EFHB: variants seen among roughly 807,000 people sequenced by gnomAD.
The protein encoded by EFHB is EF-hand domain-containing family member B.
EFHB carries 91 observed loss-of-function variants against 87.2 expected under a neutral mutation model. That is an observed-to-expected ratio of 1.04 (90% CI 0.88 to 1.24). EFHB has a LOEUF of 1.24. Among genes scored for constraint, EFHB ranks in the 50% most tolerant of loss-of-function variants. The pLI, the probability that EFHB is intolerant of heterozygous loss-of-function variation, is 0.00. For missense variants in EFHB, 1,084 were observed against 998.8 expected, an observed-to-expected ratio of 1.09 and a Z score of -1.15; for synonymous variants, 325 against 333.6, an observed-to-expected ratio of 0.97 and a Z score of 0.28.
At chr3:19,940,675 A>G in intron 1 of EFHB, 1 of 360,740 alleles carries the variant, frequency 2.8e-6, no homozygotes, top group South Asian at 2.2e-5. Flanking sequence ...GTCATTAGTG[A>G]CAGTAATCTT....
intron 4 of EFHB, among the ~76,000 whole-genome samples, chr3:19,917,829 C>CCATACA (rs1695286098): frequency 6.6e-6 from 1 of 152,194 alleles, no homozygotes; most frequent in Non-Finnish European, 1.5e-5. Flanking sequence ...ATTTACCATA[C>CCATACA]TTATCTGTGC....
chr3:19,920,484 A>G (rs770848594), intron 2 of EFHB, 21 bp downstream of exon 2: 7 of 1,576,186 alleles, frequency 4.4e-6, no homozygotes, highest in Non-Finnish European at 5.2e-6. Context: ...AGAAATATAA[A>G]GGTATATTGA....
chr3:19,943,241 T>C (rs1017317090), intron 1 of EFHB: 6 of 264,212 alleles, frequency 2.3e-5, no homozygotes, highest in Non-Finnish European at 3.9e-5. Context: ...ATTACCTCTA[T>C]TTTTACATGC....
rs73819038 is a variant in EFHB at position 19,904,941 on chromosome 3, G to A, written c.1418+679C>T. On this transcript the variant is annotated intron_variant, in intron 6 of 12. Coordinates refer to ENST00000295824, the MANE Select transcript of EFHB (RefSeq NM_144715.4). The stretch of plus-strand genomic sequence containing the variant: ...TCTTCCAAAGTTTATGTGTTGGCTC[G>A]GATATAAAATATAACGCAGGAAATG... Among the ~76,000 whole-genome samples the A allele has an allele frequency of 8.3e-3, 1,260 of 152,002 alleles. 22 individuals carry two copies. Among genetic ancestry groups the A allele is most frequent in the African/African-American group, 0.029 (1,194 of 41,418 alleles).
intron 10 of EFHB, among the ~76,000 whole-genome samples, chr3:19,885,861 G>C (rs1025554037): frequency 1.3e-5 from 2 of 152,048 alleles, no homozygotes; most frequent in African/African-American, 4.8e-5. Flanking sequence ...GTTTGAAAAA[G>C]AATTTCTCAA....
intron 9 of EFHB, among the ~76,000 whole-genome samples, chr3:19,894,074 T>C (rs914997974): frequency 2.0e-5 from 3 of 152,332 alleles, no homozygotes; most frequent in Non-Finnish European, 2.9e-5. Context: ...CTGTCATGAA[T>C]TACATAGTCT....
intron 12 of EFHB, among the ~76,000 whole-genome samples, chr3:19,881,541 T>G (rs889893366): frequency 6.6e-6 from 1 of 152,086 alleles, no homozygotes; most frequent in Non-Finnish European, 1.5e-5. Context: ...CCTTTCAGAG[T>G]GATTGAGGAA....
chr3:19,917,296 G>C (rs1164392813), intron 4 of EFHB, among the ~76,000 whole-genome samples: 5 of 151,518 alleles, frequency 3.3e-5, no homozygotes, highest in African/African-American at 1.2e-4. Flanking sequence ...TTAATCTACT[G>C]TAAAATACAT....
rs1236593261 is a variant in EFHB at position 19,942,000 on chromosome 3, CA to C, written c.-32+4918del. ...TGAAACCACGTCTCTACTAAAAATA[CA>C]AAAAAAATTACCCAGGCGTGGTGGT... is the stretch of plus-strand genomic sequence containing the variant. On this transcript the variant is annotated intron_variant, in intron 1 of 14. Coordinates refer to the EFHB transcript ENST00000344838. Among the ~76,000 whole-genome samples the C allele has an allele frequency of 2.6e-5, 4 of 151,120 alleles. No individual in the cohort carries two copies. The East Asian group carries it at 5.9e-4, about 22-fold the overall frequency.
Position 19,919,960 on chromosome 3 carries a change from T to G in EFHB, c.869A>C (p.Glu290Ala), listed in dbSNP as rs763172733. Residue 290 changes from glutamate to alanine, a missense_variant, in exon 3 of 13, where the codon GAA becomes GCA. Transcript: ENST00000295824. The part of the protein sequence containing the change: ...EKLPRLITPP[E>A]AKKYFNFRYP... Reference sequence around the variant, plus strand: ...TCTGAAGTTGAAATACTTTTTTGCTTCAGGTGGAGTAATTAGCTACAAAGA... The same window carrying G: ...TCTGAAGTTGAAATACTTTTTTGCTGCAGGTGGAGTAATTAGCTACAAAGA... 1.2e-6 allele frequency: 2 copies of G among 1,613,696 alleles called. No individual in the cohort carries two copies. The highest frequency in any genetic ancestry group is 2.2e-5 in the South Asian group (2 of 91,066).
In EFHB at chr3:19,919,820, GAA is replaced by G; in HGVS notation, c.996+11_996+12del. The G allele has an allele frequency of 3.7e-6, 6 of 1,607,498 alleles. No homozygotes were observed. The highest frequency in any genetic ancestry group is 5.1e-6 in the Non-Finnish European group (6 of 1,175,384). On this transcript the variant is annotated intron_variant, in intron 3 of 12. Coordinates refer to ENST00000295824, the MANE Select transcript of EFHB (RefSeq NM_144715.4). ...AATTAATAATGTACAAGGAAAAAAA[GAA>G]AATAACTTACCAGTACTGAAATTTT...
At position 19,934,155 on chromosome 3, in the gene EFHB, G is replaced by A; in HGVS notation, c.-137C>T. ...GAGCACAACCTCACTCGGACTCCCT[G>A]TCCATTGCTTCCTGCCTGCCTCTTA... On this transcript the variant is annotated 5_prime_UTR_variant, in exon 1 of 13. Coordinates refer to ENST00000295824, the MANE Select transcript of EFHB (RefSeq NM_144715.4). 1 of 1,446,100 alleles carries A rather than the reference G, an allele frequency of 6.9e-7. No homozygotes were observed. Among genetic ancestry groups the A allele is most frequent in the Admixed American group, 2.8e-5 (1 of 36,092 alleles). The allele number at this position is 1,446,100 out of a possible 1,614,324, so 89.6% of individuals were successfully genotyped here.
chr3:19,915,796 A>G (rs184032126), intron 4 of EFHB, among the ~76,000 whole-genome samples: 1 of 152,142 alleles, frequency 6.6e-6, no homozygotes, highest in Admixed American at 6.5e-5. Flanking sequence ...AACATGGTGA[A>G]ACGCCATCTC....
rs1695941566 is a variant in EFHB at position 19,934,163 on chromosome 3, C to T, written c.-145G>A. 2.8e-6 allele frequency: 4 copies of T among 1,443,924 alleles called. No individual in the cohort carries two copies. Among genetic ancestry groups the T allele is most frequent in the Non-Finnish European group, 3.6e-6 (4 of 1,106,284 alleles). The allele number at this position is 1,443,924 out of a possible 1,614,324, so 89.4% of individuals were successfully genotyped here. A position where few individuals can be genotyped will look rare whatever the true frequency, so the allele number is the denominator to read the frequency against. ...CCTCACTCGGACTCCCTGTCCATTG[C>T]TTCCTGCCTGCCTCTTAACACCTAG... On this transcript the variant is annotated 5_prime_UTR_variant, in exon 1 of 13. Coordinates refer to ENST00000295824, the MANE Select transcript of EFHB (RefSeq NM_144715.4).
At chr3:19,943,078 A>T (rs1696196389) in intron 1 of EFHB, 1 of 284,944 alleles carries the variant, frequency 3.5e-6, no homozygotes, top group South Asian at 4.5e-5. Flanking sequence ...CAGCATAATC[A>T]AGTCTGTGTC....
chr3:19,907,913 T>C (rs549579798), intron 5 of EFHB, among the ~76,000 whole-genome samples: 4 of 152,302 alleles, frequency 2.6e-5, no homozygotes, highest in South Asian at 2.1e-4. Flanking sequence ...GAGCTCATTA[T>C]TGGGAAGGGT....
At position 19,945,697 on chromosome 3, in the gene EFHB, T is replaced by A. The variant is rs550246573; in HGVS notation, c.-32+1222A>T. ...CCAGAGCTATTACCATGATTAATAG[T>A]TCATATTGAACAACTCCTTGAGAAT... is the stretch of plus-strand genomic sequence containing the variant. On this transcript the variant is annotated intron_variant, in intron 1 of 14. Coordinates refer to the EFHB transcript ENST00000344838. Among the ~76,000 whole-genome samples, 6 of 152,268 alleles carry A rather than the reference T, an allele frequency of 3.9e-5. No individual in the cohort carries two copies. In the South Asian group the frequency reaches 1.2e-3, roughly 32 times the overall value.
At chr3:19,936,068 A>C, upstream of EFHB, 1 of 1,282,510 alleles carries the variant, frequency 7.8e-7, no homozygotes, top group Non-Finnish European at 9.9e-7. Context: ...GGATTCCAGA[A>C]CTCTACAAAA....
intron 6 of EFHB, among the ~76,000 whole-genome samples, chr3:19,901,462 TG>T (rs1456572153): frequency 3.3e-5 from 5 of 152,208 alleles, no homozygotes; most frequent in African/African-American, 1.2e-4. Flanking sequence ...CCTGTACTAT[TG>T]AACTACTGAG....
Sources: allele counts gnomAD v4.1 joint callset (sites outside exome capture counted in the v4.1 genomes callset), GRCh38; gene constraint gnomAD v4.1.1; transcripts MANE v1.5; gene names NCBI Gene and HGNC (gene_info 2026-07-23, HGNC 2026-07-21).